GLI3: variants seen among roughly 807,000 people sequenced by gnomAD.
The protein encoded by GLI3 is transcription activator GLI3.
GLI3 carries 20 observed loss-of-function variants against 100.8 expected under a neutral mutation model. That is an observed-to-expected ratio of 0.20 (90% confidence interval 0.14 to 0.29). The LOEUF (loss-of-function observed/expected upper bound fraction) is 0.29, where lower values mean the gene tolerates loss of function less well. Among genes scored for constraint, GLI3 ranks in the 10% least tolerant of loss-of-function variants. The pLI is 1.00. For synonymous variants in GLI3, 938 were observed against 860.5 expected (o/e 1.09, Z -1.58); for missense variants, 2,040 against 2,128.5 (o/e 0.96, Z 0.82).
At chr7:42,044,638 T>C (rs929912012) in intron 6 of GLI3, among the ~76,000 whole-genome samples, 6 of 152,242 alleles carry the variant, frequency 3.9e-5, no homozygotes, top group Admixed American at 3.9e-4. Context: ...ACTTGATAAC[T>C]ATTCTGATCC....
chr7:42,065,954 T>C (rs1452988068), intron 4 of GLI3, among the ~76,000 whole-genome samples: 1 of 152,138 alleles, frequency 6.6e-6, no homozygotes, highest in East Asian at 1.9e-4. Flanking sequence ...TGTCTTTAGG[T>C]CTCCACGTTA....
At chr7:42,234,651 G>A (rs1788755162) in intron 1 of GLI3, among the ~76,000 whole-genome samples, 1 of 152,088 alleles carries the variant, frequency 6.6e-6, no homozygotes, top group Non-Finnish European at 1.5e-5. Flanking sequence ...CATCTGAGTT[G>A]GACCTACCAG....
intron 10 of GLI3, among the ~76,000 whole-genome samples, chr7:42,016,433 A>T (rs1788764405): frequency 6.6e-6 from 1 of 152,182 alleles, no homozygotes; most frequent in African/African-American, 2.4e-5. Flanking sequence ...TATACGTGAC[A>T]TGCATGGACA....
chr7:42,241,108 A>C (rs559409644), upstream of GLI3, among the ~76,000 whole-genome samples: 147 of 152,328 alleles, frequency 9.7e-4, no homozygotes, highest in South Asian at 4.4e-3. Flanking sequence ...TTGACAAAAA[A>C]GTCCAGAAAC....
chr7:42,153,001 G>A (rs1025086170), intron 2 of GLI3, among the ~76,000 whole-genome samples: 10 of 152,196 alleles, frequency 6.6e-5, no homozygotes, highest in Admixed American at 2.0e-4. Context: ...TCAATGGACC[G>A]AGTGAAACAT....
At chr7:42,177,457 A>G (rs1169483375) in intron 2 of GLI3, among the ~76,000 whole-genome samples, 1 of 152,190 alleles carries the variant, frequency 6.6e-6, no homozygotes, top group Middle Eastern at 3.2e-3. Context: ...ACCTGTTTAA[A>G]GGTGAGGAAA....
At chr7:42,000,925 T>C (rs1233174245) in intron 10 of GLI3, among the ~76,000 whole-genome samples, 2 of 152,082 alleles carry the variant, frequency 1.3e-5, no homozygotes, top group Non-Finnish European at 2.9e-5. Flanking sequence ...CTAGGTATAT[T>C]TGGCACCATT....
intron 10 of GLI3, among the ~76,000 whole-genome samples, chr7:42,019,859 C>T (rs181855982): frequency 1.1e-4 from 17 of 151,644 alleles, no homozygotes; most frequent in Admixed American, 5.3e-4. Context: ...CAGTTTTAAC[C>T]GACACCAAGA....
At chr7:42,017,340 A>G (rs1443958810) in intron 10 of GLI3, among the ~76,000 whole-genome samples, 1 of 152,258 alleles carries the variant, frequency 6.6e-6, no homozygotes, top group Non-Finnish European at 1.5e-5. Flanking sequence ...CAGATGTCAG[A>G]AACAGTTACT....
At chr7:41,987,020 C>A (rs773816987) in intron 10 of GLI3, among the ~76,000 whole-genome samples, 7 of 151,582 alleles carry the variant, frequency 4.6e-5, no homozygotes, top group African/African-American at 9.7e-5. Flanking sequence ...TGGGGTAGGG[C>A]CCGACAAGTG....
Position 42,178,685 on chromosome 7 carries a change from T to C in GLI3, c.125-30217A>G, listed in dbSNP as rs1240770004. Among the ~76,000 whole-genome samples the C allele has an allele frequency of 2.0e-5, 3 of 152,132 alleles. No homozygotes were observed. In the East Asian group the frequency reaches 5.8e-4, roughly 30 times the overall value. ...ACTTGGACTCTAGCAATCAACAAAATAGACACATCCCCATCACTGGAAGAT... is the reference window on the plus strand; with the variant it reads ...ACTTGGACTCTAGCAATCAACAAAACAGACACATCCCCATCACTGGAAGAT... On this transcript the variant is annotated intron_variant, in intron 2 of 14. Transcript: ENST00000395925.
At chr7:42,161,689 G>A (rs896909281) in intron 2 of GLI3, among the ~76,000 whole-genome samples, 1 of 152,180 alleles carries the variant, frequency 6.6e-6, no homozygotes, top group African/African-American at 2.4e-5. Context: ...GATCAAATCA[G>A]TCTCCTATGA....
chr7:42,148,883 G>C (rs971498860), intron 2 of GLI3, among the ~76,000 whole-genome samples: 4 of 152,140 alleles, frequency 2.6e-5, no homozygotes, highest in Non-Finnish European at 5.9e-5. Flanking sequence ...CTGGGGACGC[G>C]GGGCCTCCGG....
At chr7:42,036,957 C>T (rs1789457955) in intron 7 of GLI3, among the ~76,000 whole-genome samples, 1 of 152,062 alleles carries the variant, frequency 6.6e-6, no homozygotes, top group African/African-American at 2.4e-5. Flanking sequence ...GGCTGGCCAA[C>T]ATGGTGAAAC....
chr7:42,168,287 T>A (rs1787284785), intron 2 of GLI3, among the ~76,000 whole-genome samples: 1 of 152,196 alleles, frequency 6.6e-6, no homozygotes, highest in African/African-American at 2.4e-5. Context: ...TCTGTGCTGT[T>A]CTTTACTTTG....
At chr7:42,259,533 G>C (rs375534303) in intron 1 of GLI3, among the ~76,000 whole-genome samples, 1 of 152,184 alleles carries the variant, frequency 6.6e-6, no homozygotes, top group Non-Finnish European at 1.5e-5. Context: ...TAAAGCACTA[G>C]TACAGTGCCT....
chr7:42,124,040 C>G (rs1473477244), intron 3 of GLI3, among the ~76,000 whole-genome samples: 1 of 152,128 alleles, frequency 6.6e-6, no homozygotes, highest in African/African-American at 2.4e-5. Flanking sequence ...TTGTTCGACT[C>G]TCCCACCGCA....
rs1000015752 is a variant in GLI3 at position 42,001,467 on chromosome 7, C to G, written c.1497+22001G>C. Among the ~76,000 whole-genome samples, 3 of 152,096 alleles carry G rather than the reference C, an allele frequency of 2.0e-5. No individual in the cohort carries two copies. The East Asian group carries it at 5.8e-4, about 29-fold the overall frequency. The stretch of plus-strand genomic sequence containing the variant: ...GTCTCACAGCCAGGTATGGTTAACT[C>G]TATTTATCCTAGCTTTCATTTTCAC... On this transcript the variant is annotated intron_variant, in intron 10 of 14. Transcript: ENST00000395925.
chr7:41,994,866 G>A (rs1236341384), intron 10 of GLI3, among the ~76,000 whole-genome samples: 1 of 152,112 alleles, frequency 6.6e-6, no homozygotes, highest in Non-Finnish European at 1.5e-5. Flanking sequence ...GACACTTCAG[G>A]CACATGCCTG....
Sources: gnomAD v4.1 joint callset for allele counts (sites outside exome capture counted in the v4.1 genomes callset) on GRCh38, gnomAD v4.1.1 for gene constraint, MANE v1.5 for transcripts, NCBI Gene and HGNC (gene_info 2026-07-23, HGNC 2026-07-21) for gene names.